PPFIBP2: variants seen among roughly 807,000 people sequenced by gnomAD.
PPFIBP2 encodes liprin-beta-2.
PPFIBP2 carries 118 observed loss-of-function variants against 118.3 expected under a neutral mutation model. The observed-to-expected ratio is 1.00, with a 90% CI of 0.86 to 1.16. PPFIBP2 has a LOEUF of 1.16. PPFIBP2 is among the 50% of genes most tolerant of loss of function. The pLI, the probability that PPFIBP2 is intolerant of heterozygous loss-of-function variation, is 0.00. For synonymous variants in PPFIBP2, 414 were observed against 397.4 expected, an observed-to-expected ratio of 1.04 and a Z score of -0.50; for missense variants, 1,195 against 1,073.1, an observed-to-expected ratio of 1.11 and a Z score of -1.59.
At position 7,593,200 on chromosome 11, in the gene PPFIBP2, G is replaced by A. The variant is rs1859657331; in HGVS notation, c.348G>A (p.Gly116=). ...AGGAACGCTTGGCACGTCTAGAAGGGGATAAGGAGTCCCTCATATTGCAGG... is the reference window on the plus strand; with the variant it reads ...AGGAACGCTTGGCACGTCTAGAAGGAGATAAGGAGTCCCTCATATTGCAGG... ...TYQERLARLE[G]DKESLILQVS... is the part of the protein sequence containing the mutation. Residue 116 remains glycine, a synonymous_variant, in exon 4 of 24, where the codon GGG becomes GGA. Coordinates refer to ENST00000299492, the MANE Select transcript of PPFIBP2 (RefSeq NM_003621.5). 4 of 1,613,984 alleles carry A rather than the reference G, an allele frequency of 2.5e-6. No homozygotes were observed. Among genetic ancestry groups the A allele is most frequent in the Non-Finnish European group, 3.4e-6 (4 of 1,179,948 alleles).
chr11:7,666,023 G>C, the PPFIBP2 span: 1 of 989,870 alleles, frequency 1.0e-6, no homozygotes. Context: ...CTGGGATGCT[G>C]TCTGGGCTGC....
rs186538342 is a variant in PPFIBP2 at position 7,589,357 on chromosome 11, G to A, written c.280-3775G>A. ...GCCTGTAATCTCAGCACTTTGGGAG[G>A]CCAAGGTGGGCAGATCACAAGGTCA... On this transcript the variant is annotated intron_variant, in intron 3 of 23. Coordinates refer to ENST00000299492, the MANE Select transcript of PPFIBP2 (RefSeq NM_003621.5). 4.5e-3 allele frequency among the ~76,000 whole-genome samples: 678 copies of A among 152,244 alleles called. 1 individual carries two copies. The highest frequency in any genetic ancestry group is 5.1e-3 in the Non-Finnish European group (344 of 68,036).
At chr11:7,605,963 G>A (rs2135432709) in intron 5 of PPFIBP2, 2 of 1,534,760 alleles carry the variant, frequency 1.3e-6, no homozygotes, top group African/African-American at 1.4e-5. Context: ...TACTGAATGG[G>A]AAAGTTAATA....
At chr11:7,597,170 C>T (rs545391390) in intron 4 of PPFIBP2, 275 of 1,458,688 alleles carry the variant, frequency 1.9e-4, no homozygotes, top group African/African-American at 1.6e-3. Flanking sequence ...AAGTTTGGAC[C>T]GCTCTTCCAC....
chr11:7,574,855 C>T (rs186679753), intron 3 of PPFIBP2, among the ~76,000 whole-genome samples: 10 of 152,144 alleles, frequency 6.6e-5, no homozygotes, highest in African/African-American at 4.8e-5. Context: ...TGAATTACAA[C>T]GTAAGTAAAA....
intron 17 of PPFIBP2, among the ~76,000 whole-genome samples, chr11:7,645,042 A>AG (rs1852835097): frequency 1.5e-5 from 2 of 136,730 alleles, no homozygotes; most frequent in African/African-American, 5.4e-5. Flanking sequence ...AAAAAAAAAA[A>AG]AAAAAAAAAA....
the PPFIBP2 span, chr11:7,665,609 C>T: frequency 2.1e-3 from 3,193 of 1,500,204 alleles, 65 homozygotes; most frequent in African/African-American, 0.035. Context: ...GATCCCAGGC[C>T]GCCTGCACAC....
At chr11:7,610,458 T>G (rs1236749775) in intron 6 of PPFIBP2, 36 bp downstream of exon 6, 10 of 1,600,712 alleles carry the variant, frequency 6.2e-6, no homozygotes, top group Non-Finnish European at 8.5e-6. Context: ...AGCTCAGACC[T>G]GGGAAGGCTG....
intron 11 of PPFIBP2, chr11:7,631,306 T>TC: frequency 5.9e-6 from 2 of 336,410 alleles, no homozygotes; most frequent in Non-Finnish European, 1.1e-5. Context: ...ATCTTTTTTT[T>TC]CTCTGGAATG....
chr11:7,595,501 A>G (rs1451640346), intron 4 of PPFIBP2, among the ~76,000 whole-genome samples: 1 of 152,218 alleles, frequency 6.6e-6, no homozygotes, highest in East Asian at 1.9e-4. Flanking sequence ...CTAAAATTCC[A>G]AATTCTTGAA....
intron 17 of PPFIBP2, 91 bp downstream of exon 17, chr11:7,642,517 T>G: frequency 7.0e-7 from 1 of 1,428,090 alleles, no homozygotes; most frequent in East Asian, 2.5e-5. Flanking sequence ...TACTCCTGTG[T>G]TTTGCGGAAA....
intron 2 of PPFIBP2, among the ~76,000 whole-genome samples, chr11:7,559,214 C>T (rs1484428495): frequency 6.6e-6 from 1 of 152,170 alleles, no homozygotes; most frequent in East Asian, 1.9e-4. Flanking sequence ...TCTGAGAAAT[C>T]TGGGGGGCAA....
chr11:7,610,478 G>A (rs1847933840), intron 6 of PPFIBP2, 56 bp downstream of exon 6: 3 of 1,589,294 alleles, frequency 1.9e-6, no homozygotes, highest in South Asian at 2.2e-5. Context: ...GTCATAATGT[G>A]AATTTAGGCC....
chr11:7,635,404 T>G lies in PPFIBP2; in HGVS notation c.1195-148T>G, dbSNP rs1475844878. Reference sequence around the variant, plus strand: ...AGTTGGACAGGGATCTTTCCTGCCCTGGATGGTGATTACTTGACATGAAGA... The same window carrying G: ...AGTTGGACAGGGATCTTTCCTGCCCGGGATGGTGATTACTTGACATGAAGA... On this transcript the variant is annotated intron_variant, in intron 13 of 23. Coordinates refer to ENST00000299492, the MANE Select transcript of PPFIBP2 (RefSeq NM_003621.5). 8.0e-6 allele frequency: 6 copies of G among 754,282 alleles called. No homozygotes were observed. The East Asian group carries it at 1.6e-4, about 20-fold the overall frequency. 46.7% of individuals were successfully genotyped at this position (754,282 alleles called of 1,614,324 possible).
intron 1 of PPFIBP2, among the ~76,000 whole-genome samples, chr11:7,521,429 A>G (rs1204609749): frequency 6.6e-6 from 1 of 152,154 alleles, no homozygotes; most frequent in Non-Finnish European, 1.5e-5. Flanking sequence ...AAGCTGAGTA[A>G]TTTCTATTCT....
At chr11:7,662,087 T>C (rs1484533420), downstream of PPFIBP2, among the ~76,000 whole-genome samples, 2 of 148,460 alleles carry the variant, frequency 1.3e-5, no homozygotes, top group East Asian at 3.9e-4. Context: ...CTGATGGGTC[T>C]TGACTCTTTA....
At position 7,633,012 on chromosome 11, in the gene PPFIBP2, C is replaced by A. The variant is rs548141156; in HGVS notation, c.1136+78C>A. On this transcript the variant is annotated intron_variant, in intron 12 of 23. Coordinates refer to ENST00000299492, the MANE Select transcript of PPFIBP2 (RefSeq NM_003621.5). ...GGGCTGCCGAAGTAGATGGTGATGA[C>A]CGTGAATGGTGAGCATGGCCACTGA... is the stretch of plus-strand genomic sequence containing the variant. The A allele has an allele frequency of 9.0e-6, 12 of 1,337,962 alleles. No homozygotes were observed. The South Asian group carries it at 1.1e-4, about 12-fold the overall frequency. 82.9% of individuals were successfully genotyped at this position (1,337,962 alleles called of 1,614,324 possible). A position where few individuals can be genotyped will look rare whatever the true frequency, so the allele number is the denominator to read the frequency against.
At chr11:7,628,448 A>AT (rs151109267) in intron 9 of PPFIBP2, 102 bp downstream of exon 9, 28,441 of 1,092,438 alleles carry the variant, frequency 0.026, 798 homozygotes, top group Admixed American at 0.079. Flanking sequence ...CATGCTTATC[A>AT]TGCCATTGAC....
Position 7,545,513 on chromosome 11 carries a change from C to T in PPFIBP2, c.-36-3927C>T, listed in dbSNP as rs994792069. On this transcript the variant is annotated intron_variant, in intron 1 of 23. Coordinates refer to ENST00000299492, the MANE Select transcript of PPFIBP2 (RefSeq NM_003621.5). ...GTATTATAATTGTTCTATGTTATTACTAATTATTGTTAATCTCTTACTGTG... is the reference window on the plus strand; with the variant it reads ...GTATTATAATTGTTCTATGTTATTATTAATTATTGTTAATCTCTTACTGTG... Among the ~76,000 whole-genome samples, 73 of 152,134 alleles carry T rather than the reference C, an allele frequency of 4.8e-4. 1 individual carries two copies. Among genetic ancestry groups the T allele is most frequent in the African/African-American group, 1.8e-3 (73 of 41,418 alleles).
Sources: allele counts gnomAD v4.1 joint callset (sites outside exome capture counted in the v4.1 genomes callset), GRCh38; gene constraint gnomAD v4.1.1; transcripts MANE v1.5; gene names NCBI Gene and HGNC (gene_info 2026-07-23, HGNC 2026-07-21).